The following CCDC171 variants were observed in gnomAD, a reference collection of about 807,000 sequenced individuals.
CCDC171 encodes coiled-coil domain-containing protein 171.
In CCDC171, 177 loss-of-function variants were observed where a neutral mutation model predicts 168.2. The ratio of observed to expected loss-of-function variants is 1.05; its 90% CI spans 0.93 to 1.19. The LOEUF (loss-of-function observed/expected upper bound fraction) is 1.19, where lower values mean the gene tolerates loss of function less well. Ranked by LOEUF, CCDC171 falls within the 50% of genes most tolerant of loss-of-function variation. The pLI is 0.00. For synonymous variants in CCDC171, 687 were observed against 540.8 expected, an observed-to-expected ratio of 1.27 and a Z score of -3.75; for missense variants, 1,991 against 1,539.0, an observed-to-expected ratio of 1.29 and a Z score of -4.91.
chr9:15,730,978 A>G (rs2054116496), intron 16 of CCDC171, among the ~76,000 whole-genome samples: 1 of 152,060 alleles, frequency 6.6e-6, no homozygotes, highest in African/African-American at 2.4e-5. Context: ...TATGGGGTAC[A>G]TGTGATATTT....
At chr9:16,001,648 A>G (rs1208148801) in intron 3 of CCDC171, among the ~76,000 whole-genome samples, 1 of 152,068 alleles carries the variant, frequency 6.6e-6, no homozygotes, top group Non-Finnish European at 1.5e-5. Flanking sequence ...ATAGAGCTGA[A>G]AAATTCCTAT....
At chr9:15,706,236 CCTTCCTTG>C (rs1488673328) in intron 11 of CCDC171, among the ~76,000 whole-genome samples, 1 of 149,438 alleles carries the variant, frequency 6.7e-6, no homozygotes, top group Non-Finnish European at 1.5e-5. Flanking sequence ...TTCCTTCCTT[CCTTCCTTG>C]CTTCCTTCCT....
chr9:15,759,205 C>T (rs1239935179), intron 18 of CCDC171, among the ~76,000 whole-genome samples: 1 of 152,226 alleles, frequency 6.6e-6, no homozygotes, highest in Admixed American at 6.5e-5. Context: ...AGGTTTATAT[C>T]TTCATTTAAA....
intron 7 of CCDC171, among the ~76,000 whole-genome samples, chr9:15,632,059 A>G (rs1370543883): frequency 9.2e-5 from 14 of 152,164 alleles, no homozygotes; most frequent in Non-Finnish European, 1.2e-4. Flanking sequence ...CCCACAGCCA[A>G]TATCATACTA....
At chr9:15,709,708 A>G (rs2052512178) in intron 11 of CCDC171, among the ~76,000 whole-genome samples, 1 of 152,192 alleles carries the variant, frequency 6.6e-6, no homozygotes, top group Admixed American at 6.5e-5. Context: ...GTTACCTATA[A>G]GAGCAGAAAT....
At chr9:16,043,710 C>G (rs902363741) in intron 1 of CCDC171, among the ~76,000 whole-genome samples, 2 of 152,200 alleles carry the variant, frequency 1.3e-5, no homozygotes, top group African/African-American at 2.4e-5. Flanking sequence ...TTCCTTACTA[C>G]TTTCTTGGAC....
chr9:15,734,065 G>A (rs181367521), intron 16 of CCDC171, among the ~76,000 whole-genome samples: 2 of 152,244 alleles, frequency 1.3e-5, no homozygotes, highest in Non-Finnish European at 2.9e-5. Context: ...GTGAGCCACT[G>A]TACCCAGCTG....
At chr9:15,962,107 G>T (rs151201253) in intron 25 of CCDC171, among the ~76,000 whole-genome samples, 430 of 152,262 alleles carry the variant, frequency 2.8e-3, no homozygotes, top group African/African-American at 9.8e-3. Context: ...TTGGAACACA[G>T]CCATGCTCAT....
intron 1 of CCDC171, among the ~76,000 whole-genome samples, chr9:15,558,256 T>G (rs1375998897): frequency 6.6e-6 from 1 of 152,186 alleles, no homozygotes; most frequent in Non-Finnish European, 1.5e-5. Flanking sequence ...CCTCATAAAA[T>G]GAATTAGGGA....
chr9:15,650,137 A>C (rs2132757095), intron 7 of CCDC171, among the ~76,000 whole-genome samples: 1 of 152,316 alleles, frequency 6.6e-6, no homozygotes, highest in African/African-American at 2.4e-5. Context: ...TTCTGAGCAA[A>C]CTATTGCAAG....
At chr9:16,040,702 A>T (rs1456494880), upstream of CCDC171, among the ~76,000 whole-genome samples, 2 of 152,210 alleles carry the variant, frequency 1.3e-5, no homozygotes, top group Non-Finnish European at 2.9e-5. Context: ...TTATATGGCT[A>T]TTTCTCTCAG....
At chr9:15,606,235 T>G (rs1397077901) in intron 6 of CCDC171, among the ~76,000 whole-genome samples, 1 of 152,216 alleles carries the variant, frequency 6.6e-6, no homozygotes, top group African/African-American at 2.4e-5. Flanking sequence ...GAGGGAATAT[T>G]GTATTTCAGT....
rs1277750633 is a variant in CCDC171, at chr9:15,817,251, A to G, written c.3268-29451A>G. On this transcript the variant is annotated intron_variant, in intron 21 of 25. Coordinates refer to ENST00000380701, the MANE Select transcript of CCDC171 (RefSeq NM_173550.4). Reference sequence around the variant, plus strand: ...GGCCAAATAGGAACAGCTCCAGTCTACAGCTCCCAGTGTGAGCGACGCAGA... The same window carrying G: ...GGCCAAATAGGAACAGCTCCAGTCTGCAGCTCCCAGTGTGAGCGACGCAGA... Among the ~76,000 whole-genome samples the G allele has an allele frequency of 4.2e-5, 5 of 118,158 alleles. 1 individual carries two copies. The highest frequency in any genetic ancestry group is 9.5e-5 in the Non-Finnish European group (5 of 52,474). The allele number at this position is 118,158 out of a possible 152,430, so 77.5% of individuals were successfully genotyped here.
At chr9:15,866,676 T>G (rs1202844103) in intron 23 of CCDC171, among the ~76,000 whole-genome samples, 1 of 151,920 alleles carries the variant, frequency 6.6e-6, no homozygotes, top group Admixed American at 6.6e-5. Context: ...GGTTTGAGAT[T>G]GACTAACATA....
chr9:15,684,578 G>A (rs2050252922), intron 10 of CCDC171, among the ~76,000 whole-genome samples: 3 of 151,938 alleles, frequency 2.0e-5, no homozygotes, highest in Admixed American at 2.0e-4. Flanking sequence ...CTTTCTATTT[G>A]TGGTACTCAT....
At chr9:15,987,230 A>T (rs144933214) in intron 3 of CCDC171, among the ~76,000 whole-genome samples, 1 of 152,182 alleles carries the variant, frequency 6.6e-6, no homozygotes, top group Non-Finnish European at 1.5e-5. Flanking sequence ...TTTGTAACAC[A>T]CATATAAGAA....
intron 7 of CCDC171, among the ~76,000 whole-genome samples, chr9:15,649,425 G>A (rs531807954): frequency 1.8e-4 from 27 of 152,272 alleles, no homozygotes; most frequent in Non-Finnish European, 3.2e-4. Context: ...AAGAGCTCCT[G>A]CACAGCAAAA....
chr9:16,063,699 C>G (rs1049213690), downstream of CCDC171, among the ~76,000 whole-genome samples: 2 of 152,170 alleles, frequency 1.3e-5, no homozygotes, highest in African/African-American at 4.8e-5. Context: ...TTCCTCATGA[C>G]AATGCCTTTT....
chr9:16,056,519 GT>G (rs1292115287), intron 1 of CCDC171, among the ~76,000 whole-genome samples: 1 of 152,118 alleles, frequency 6.6e-6, no homozygotes, highest in African/African-American at 2.4e-5. Context: ...ATGGAGTCTC[GT>G]TCTGTGGCCC....
Sources: gnomAD v4.1 joint callset for allele counts (sites outside exome capture counted in the v4.1 genomes callset) on GRCh38, gnomAD v4.1.1 for gene constraint, MANE v1.5 for transcripts, NCBI Gene and HGNC (gene_info 2026-07-23, HGNC 2026-07-21) for gene names.